Variants in KDM6A observed in about 807,000 individuals in gnomAD.
KDM6A encodes lysine demethylase 6A.
KDM6A carries 11 observed loss-of-function variants against 117.6 expected under a neutral mutation model. The observed-to-expected ratio is 0.09, with a 90% CI of 0.06 to 0.15. The LOEUF (loss-of-function observed/expected upper bound fraction) is 0.15. Ranked by LOEUF, KDM6A falls within the 10% of genes least tolerant of loss-of-function variation. KDM6A has a pLI of 1.00. For missense variants in KDM6A, 799 were observed against 1,077.3 expected, an observed-to-expected ratio of 0.74 and a Z score of 3.62; for synonymous variants, 384 against 396.1, an observed-to-expected ratio of 0.97 and a Z score of 0.36.
At chrX:44,982,265 A>AT (rs1231387718) in intron 4 of KDM6A, among the ~76,000 whole-genome samples, 3 of 111,342 alleles carry the variant, frequency 2.7e-5, no homozygotes, top group East Asian at 5.6e-4. Flanking sequence ...CAGGATATGT[A>AT]TTTTTTTGTA....
intron 27 of KDM6A, among the ~76,000 whole-genome samples, chrX:45,104,327 A>G (rs1384884844): frequency 8.9e-6 from 1 of 112,976 alleles, no homozygotes; most frequent in Non-Finnish European, 1.9e-5. Context: ...CCAGCCCTCA[A>G]ATTGAATTCT....
At chrX:44,991,100 G>T (rs781370975) in intron 4 of KDM6A, among the ~76,000 whole-genome samples, 1 of 111,425 alleles carries the variant, frequency 9.0e-6, no homozygotes, top group East Asian at 2.8e-4. Context: ...TACTTTTTTA[G>T]GTTGTAAATC....
At chrX:44,988,309 C>G (rs1282429190) in intron 4 of KDM6A, among the ~76,000 whole-genome samples, 4 of 110,604 alleles carry the variant, frequency 3.6e-5, no homozygotes, top group Admixed American at 9.7e-5. Context: ...AGCCATTCAT[C>G]TGATTTTTTT....
chrX:44,905,181 A>G (rs1320059442), intron 2 of KDM6A, among the ~76,000 whole-genome samples: 2 of 112,360 alleles, frequency 1.8e-5, no homozygotes, highest in Admixed American at 9.5e-5. Context: ...TTTATCACAT[A>G]CTACATACAT....
At chrX:45,110,415 T>C (rs940294438) in intron 29 of KDM6A, among the ~76,000 whole-genome samples, 166 bp downstream of exon 29, 1 of 111,892 alleles carries the variant, frequency 8.9e-6, no homozygotes, top group African/African-American at 3.2e-5. Context: ...CATTTCCAAG[T>C]ATTTATTCCT....
At chrX:45,072,962 A>G (rs2044929831) in intron 18 of KDM6A, among the ~76,000 whole-genome samples, 1 of 108,769 alleles carries the variant, frequency 9.2e-6, no homozygotes, top group Non-Finnish European at 1.9e-5. Flanking sequence ...CATGCTGGCC[A>G]GCTGCACCCA....
intron 2 of KDM6A, among the ~76,000 whole-genome samples, chrX:44,933,533 A>G (rs2036791044): frequency 9.4e-6 from 1 of 106,657 alleles, no homozygotes; most frequent in Non-Finnish European, 1.9e-5. Context: ...TCAGCCTCCC[A>G]AAGTGCTGGA....
At chrX:44,961,455 C>T (rs186497790) in intron 3 of KDM6A, 63 bp downstream of exon 3, 1 of 772,893 alleles carries the variant, frequency 1.3e-6, no homozygotes, top group East Asian at 3.4e-5. Flanking sequence ...ATTATTTGTG[C>T]TTTATCAAGA....
chrX:44,887,859 T>G (rs2033017568), intron 2 of KDM6A, among the ~76,000 whole-genome samples: 1 of 111,059 alleles, frequency 9.0e-6, no homozygotes, highest in Non-Finnish European at 1.9e-5. Context: ...TAAATTTAGA[T>G]TAGCTGGGCA....
chrX:45,110,161 G>A lies in KDM6A; in HGVS notation c.4244G>A (p.Arg1415Gln), dbSNP rs2046713275. The stretch of plus-strand genomic sequence containing the variant: ...ATAGTACATTGCCAAGATTGTGCAC[G>A]AAAAACAAGCGGAAACTTGGAAAAC... The part of the protein sequence containing the change: ...TYIVHCQDCA[R>Q]KTSGNLENFV... The change falls in exon 29 of 30, where the codon CGA becomes CAA. Residue 1415 changes from arginine to glutamine, a missense_variant. Arg to Gln is a conservative substitution (Grantham distance 43, BLOSUM62 1). Transcript: ENST00000611820. 1.7e-6 allele frequency: 2 copies of A among 1,210,315 alleles called. No homozygotes were observed. The highest frequency in any genetic ancestry group is 1.8e-5 in the South Asian group (1 of 56,967).
chrX:44,977,287 T>C (rs887390611), intron 4 of KDM6A, among the ~76,000 whole-genome samples: 10 of 111,103 alleles, frequency 9.0e-5, no homozygotes, highest in African/African-American at 3.3e-4. Context: ...AAGGTCTTGC[T>C]CTCTTGCACA....
At chrX:45,088,656 C>A (rs967016790) in intron 25 of KDM6A, among the ~76,000 whole-genome samples, 3 of 113,332 alleles carry the variant, frequency 2.6e-5, no homozygotes, top group Admixed American at 9.3e-5. Flanking sequence ...TTTCTTAGAT[C>A]TTAAGGAAAG....
chrX:44,940,513 A>G (rs1602273409), intron 2 of KDM6A, among the ~76,000 whole-genome samples: 1 of 111,860 alleles, frequency 8.9e-6, no homozygotes, highest in East Asian at 2.8e-4. Context: ...CAAATCTCAA[A>G]TTTGATCATT....
Position 45,053,800 on chromosome X carries a change from T to C in KDM6A, c.749-29T>C, listed in dbSNP as rs371254571. Reference sequence around the variant, plus strand: ...CATAGAAGAACAATTAAGTCATTTATGTAAATTTTTTTAAATCATTTACTG... The same window carrying C: ...CATAGAAGAACAATTAAGTCATTTACGTAAATTTTTTTAAATCATTTACTG... On this transcript the variant is annotated intron_variant, in intron 9 of 29. Transcript: ENST00000611820. 75 of 1,123,372 alleles carry C rather than the reference T, an allele frequency of 6.7e-5. No individual in the cohort carries two copies. The Middle Eastern group carries it at 7.3e-4, about 11-fold the overall frequency. The allele number at this position is 1,123,372 out of a possible 1,213,427, so 92.6% of individuals were successfully genotyped here. A position where few individuals can be genotyped will look rare whatever the true frequency, so the allele number is the denominator to read the frequency against.
At chrX:45,031,056 T>A (rs1013773085) in intron 6 of KDM6A, among the ~76,000 whole-genome samples, 1 of 112,416 alleles carries the variant, frequency 8.9e-6, no homozygotes, top group Non-Finnish European at 1.9e-5. Context: ...AAATGATTTA[T>A]CTTTGACATG....
At chrX:44,935,524 G>A (rs2036914136) in intron 2 of KDM6A, among the ~76,000 whole-genome samples, 1 of 110,991 alleles carries the variant, frequency 9.0e-6, no homozygotes, top group East Asian at 2.8e-4. Context: ...ATTATGGTAT[G>A]TATTCCTTTA....
intron 21 of KDM6A, among the ~76,000 whole-genome samples, chrX:45,079,934 T>C (rs1444960758): frequency 8.9e-6 from 1 of 112,360 alleles, no homozygotes; most frequent in Non-Finnish European, 1.9e-5. Flanking sequence ...TCTAGTGAAA[T>C]GTCTCATTTC....
At chrX:45,038,590 AT>A (rs1167916293) in intron 8 of KDM6A, among the ~76,000 whole-genome samples, 3 of 97,314 alleles carry the variant, frequency 3.1e-5, no homozygotes, top group East Asian at 3.0e-4. Flanking sequence ...AGTATAACAC[AT>A]TTGGGGGGGG....
At position 45,076,679 on chromosome X, in the gene KDM6A, C is replaced by T. The variant is rs1168413476; in HGVS notation, c.2859-18C>T. The T allele has an allele frequency of 4.9e-6, 4 of 823,926 alleles. No individual in the cohort carries two copies. Among genetic ancestry groups the T allele is most frequent in the East Asian group, 3.6e-5 (1 of 27,622 alleles). 67.9% of individuals were successfully genotyped at this position (823,926 alleles called of 1,213,427 possible). Reference sequence around the variant, plus strand: ...CAAATAAATGTACAACTGATTATCCCTTTTTTTTTTTTTCCAGGAATCTAG... The same window carrying T: ...CAAATAAATGTACAACTGATTATCCTTTTTTTTTTTTTTCCAGGAATCTAG... On this transcript the variant is annotated intron_variant, in intron 18 of 29. Transcript: ENST00000611820.
Sources: gnomAD v4.1 joint callset for allele counts (sites outside exome capture counted in the v4.1 genomes callset) on GRCh38, gnomAD v4.1.1 for gene constraint, MANE v1.5 for transcripts, NCBI Gene and HGNC (gene_info 2026-07-23, HGNC 2026-07-21) for gene names.